Variants in CDH12 observed in about 807,000 individuals in gnomAD.
CDH12 encodes cadherin-12.
CDH12 carries 41 observed loss-of-function variants against 74.1 expected under a neutral mutation model. The ratio of observed to expected loss-of-function variants is 0.55; its 90% confidence interval spans 0.43 to 0.72. CDH12 has a LOEUF of 0.72. Among genes scored for constraint, CDH12 ranks in the 30% least tolerant of loss-of-function variants. CDH12 has a pLI of 0.00. For missense variants in CDH12, 945 were observed against 977.2 expected (o/e 0.97, Z 0.44); for synonymous variants, 399 against 355.0 (o/e 1.12, Z -1.39).
At chr5:22,611,561 G>GAGT (rs1282737107) in intron 1 of CDH12, among the ~76,000 whole-genome samples, 4 of 152,146 alleles carry the variant, frequency 2.6e-5, no homozygotes, top group African/African-American at 9.7e-5. Context: ...ATTGATGTTA[G>GAGT]AGTAGCCTTT....
At chr5:22,220,502 T>A (rs1751976104) in intron 3 of CDH12, among the ~76,000 whole-genome samples, 1 of 151,742 alleles carries the variant, frequency 6.6e-6, no homozygotes, top group Non-Finnish European at 1.5e-5. Context: ...AGATTATTCA[T>A]CATGAGAAAC....
At chr5:22,667,240 C>T (rs532325873) in intron 1 of CDH12, among the ~76,000 whole-genome samples, 2 of 152,212 alleles carry the variant, frequency 1.3e-5, no homozygotes, top group South Asian at 2.1e-4. Context: ...TTATAACCAC[C>T]TAATTATTTA....
chr5:22,035,425 C>T (rs868400850), intron 5 of CDH12, among the ~76,000 whole-genome samples: 1 of 151,326 alleles, frequency 6.6e-6, no homozygotes, highest in Non-Finnish European at 1.5e-5. Context: ...TGTTAACTAC[C>T]GGCATCCAAC....
chr5:22,281,235 A>G (rs1736866263), intron 3 of CDH12, among the ~76,000 whole-genome samples: 1 of 152,218 alleles, frequency 6.6e-6, no homozygotes, highest in South Asian at 2.1e-4. Flanking sequence ...CAAAATAATA[A>G]GAGCTATTTA....
chr5:22,302,000 T>C (rs1030596673), intron 3 of CDH12, among the ~76,000 whole-genome samples: 1 of 128,720 alleles, frequency 7.8e-6, no homozygotes, highest in African/African-American at 2.7e-5. Flanking sequence ...TAGGTACATA[T>C]ATATATATGG....
intron 1 of CDH12, among the ~76,000 whole-genome samples, chr5:22,699,771 G>T (rs959417405): frequency 6.6e-6 from 1 of 152,172 alleles, no homozygotes; most frequent in East Asian, 1.9e-4. Context: ...ACATTGAACT[G>T]AAAAGCCACA....
At chr5:22,026,709 G>A (rs1035186109) in intron 5 of CDH12, among the ~76,000 whole-genome samples, 1 of 152,126 alleles carries the variant, frequency 6.6e-6, no homozygotes, top group African/African-American at 2.4e-5. Context: ...TAGTGTGTGA[G>A]CCCTGACAAC....
At chr5:22,295,022 T>A (rs137994302) in intron 3 of CDH12, among the ~76,000 whole-genome samples, 2 of 152,252 alleles carry the variant, frequency 1.3e-5, no homozygotes, top group East Asian at 3.9e-4. Context: ...GCAACAGAGA[T>A]GGCCTAATCA....
chr5:22,810,774 CT>C (rs1749096343), intron 1 of CDH12, among the ~76,000 whole-genome samples: 2 of 152,084 alleles, frequency 1.3e-5, no homozygotes, highest in Admixed American at 1.3e-4. Context: ...GTACCAGCTA[CT>C]CAGAAGGCTG....
intron 3 of CDH12, among the ~76,000 whole-genome samples, chr5:22,308,937 G>GAA (rs1177300459): frequency 1.0e-4 from 2 of 19,772 alleles, no homozygotes; most frequent in African/African-American, 1.9e-4. Context: ...GAGAGAAAGA[G>GAA]AGAGAGAGAG....
intron 6 of CDH12, among the ~76,000 whole-genome samples, chr5:21,937,720 G>T (rs1446640207): frequency 6.6e-6 from 1 of 152,114 alleles, no homozygotes; most frequent in Non-Finnish European, 1.5e-5. Context: ...CACAGGGAGA[G>T]CTGCCCTCCC....
intron 2 of CDH12, among the ~76,000 whole-genome samples, chr5:22,457,421 C>CATTT (rs1301042233): frequency 6.7e-6 from 1 of 149,008 alleles, no homozygotes; most frequent in Non-Finnish European, 1.5e-5. Flanking sequence ...TCCTCTTCTT[C>CATTT]TTCATTTTTT....
chr5:22,586,324 A>T (rs549504164), intron 1 of CDH12, among the ~76,000 whole-genome samples: 370 of 151,862 alleles, frequency 2.4e-3, no homozygotes, highest in African/African-American at 7.0e-3. Context: ...AACATCACAC[A>T]CTGGGGCCTG....
intron 1 of CDH12, among the ~76,000 whole-genome samples, chr5:22,830,675 T>C (rs1269575731): frequency 2.6e-5 from 4 of 151,828 alleles, no homozygotes; most frequent in Non-Finnish European, 5.9e-5. Context: ...AAAGAGATAA[T>C]GTATCATTTT....
intron 6 of CDH12, among the ~76,000 whole-genome samples, chr5:21,880,455 C>T (rs1214644725): frequency 2.1e-5 from 3 of 141,774 alleles, no homozygotes; most frequent in African/African-American, 5.3e-5. Context: ...TCTTTCCTTC[C>T]TTCCTTCCTT....
chr5:22,153,579 T>C lies in CDH12; in HGVS notation c.-187+58919A>G, dbSNP rs1747759946. On this transcript the variant is annotated intron_variant, in intron 4 of 14. Transcript: ENST00000382254. ...CCATTTTCACCCAGAGGAAATTCCTTAAGCTCTGTAAGCCTCAGTTTCTTT... is the reference window on the plus strand; with the variant it reads ...CCATTTTCACCCAGAGGAAATTCCTCAAGCTCTGTAAGCCTCAGTTTCTTT... Among the ~76,000 whole-genome samples, 4 of 151,272 alleles carry C rather than the reference T, an allele frequency of 2.6e-5. No homozygotes were observed. The Admixed American group carries it at 2.7e-4, about 10-fold the overall frequency.
chr5:21,998,941 A>G (rs1736448710), intron 5 of CDH12, among the ~76,000 whole-genome samples: 1 of 152,200 alleles, frequency 6.6e-6, no homozygotes, highest in South Asian at 2.1e-4. Flanking sequence ...GTTTTAAAAC[A>G]CAATACAGAG....
intron 1 of CDH12, among the ~76,000 whole-genome samples, chr5:22,608,031 C>T (rs1349292970): frequency 2.6e-5 from 4 of 152,210 alleles, no homozygotes; most frequent in Non-Finnish European, 5.9e-5. Flanking sequence ...TGGAGCCCCA[C>T]ACAGAGTCCC....
intron 1 of CDH12, among the ~76,000 whole-genome samples, chr5:22,664,005 T>A (rs1474038457): frequency 6.6e-6 from 1 of 152,156 alleles, no homozygotes; most frequent in African/African-American, 2.4e-5. Flanking sequence ...GAGGTAGAAC[T>A]CTAGTACATA....
Sources: allele counts gnomAD v4.1 joint callset (sites outside exome capture counted in the v4.1 genomes callset), GRCh38; gene constraint gnomAD v4.1.1; transcripts MANE v1.5; gene names NCBI Gene and HGNC (gene_info 2026-07-23, HGNC 2026-07-21).